Variants in PLS1 observed in about 807,000 individuals in gnomAD.
The protein encoded by PLS1 is plastin-1.
PLS1 carries 32 observed loss-of-function variants against 73.7 expected under a neutral mutation model. The observed-to-expected ratio is 0.43, with a 90% CI of 0.33 to 0.58. The LOEUF is 0.58. PLS1 is among the 20% of genes least tolerant of loss of function. PLS1 has a pLI of 0.04. For missense variants in PLS1, 633 were observed against 740.5 expected (o/e 0.85, Z 1.68); for synonymous variants, 217 against 261.3 (o/e 0.83, Z 1.63).
intron 15 of PLS1, 105 bp from the exon 16 acceptor site, chr3:142,711,767 C>T (rs1038002359): frequency 1.4e-6 from 2 of 1,404,646 alleles, no homozygotes; most frequent in East Asian, 2.3e-5. Context: ...ACAAACTTAA[C>T]CTTTTCGTAA....
intron 4 of PLS1, among the ~76,000 whole-genome samples, chr3:142,671,821 T>G (rs1363210202): frequency 6.6e-6 from 1 of 152,238 alleles, no homozygotes; most frequent in African/African-American, 2.4e-5. Flanking sequence ...TTTTCCCCTC[T>G]TTCTTCATTT....
At chr3:142,670,899 G>T in intron 3 of PLS1, 94 bp from the exon 4 acceptor site, 1 of 783,158 alleles carries the variant, frequency 1.3e-6, no homozygotes, top group Middle Eastern at 3.1e-4. Context: ...ATTTAATTTG[G>T]TGTCATTTCA....
intron 1 of PLS1, among the ~76,000 whole-genome samples, chr3:142,640,782 T>C (rs1178494090): frequency 6.6e-6 from 1 of 152,178 alleles, no homozygotes; most frequent in Admixed American, 6.5e-5. Context: ...GAGGCCAGTT[T>C]GGATTTATTG....
intron 1 of PLS1, among the ~76,000 whole-genome samples, chr3:142,661,047 G>A (rs2037360479): frequency 6.6e-6 from 1 of 152,136 alleles, no homozygotes; most frequent in Admixed American, 6.5e-5. Flanking sequence ...GGGATAGAAA[G>A]CATTTTGAAT....
Position 142,684,072 on chromosome 3 carries a change from T to C in PLS1, c.646T>C (p.Ser216Pro), listed in dbSNP as rs749095663. Reference sequence around the variant, plus strand: ...TTGTACAGTGGTCAACATTGGTGCATCAGATCTCAAAGAAGGAAAACCTCA... The same window carrying C: ...TTGTACAGTGGTCAACATTGGTGCACCAGATCTCAAAGAAGGAAAACCTCA... Reference protein sequence around the residue: ...IGCTVVNIGASDLKEGKPHLV... With the variant: ...IGCTVVNIGAPDLKEGKPHLV... Residue 216 changes from serine (S) to proline (P), a missense_variant, in exon 7 of 16, where the codon TCA becomes CCA. Physicochemically the swap from Ser to Pro is moderately conservative, Grantham distance 74. Transcript: ENST00000457734. 1 of 1,613,854 alleles carries C rather than the reference T, an allele frequency of 6.2e-7. No individual in the cohort carries two copies. Among genetic ancestry groups the C allele is most frequent in the South Asian group, 1.1e-5 (1 of 91,066 alleles).
At chr3:142,675,394 T>C (rs897521179) in intron 4 of PLS1, among the ~76,000 whole-genome samples, 2 of 152,022 alleles carry the variant, frequency 1.3e-5, no homozygotes, top group African/African-American at 4.8e-5. Flanking sequence ...TTTTTTGTTT[T>C]TGTTTTTGAG....
chr3:142,603,414 G>A (rs2035960659), intron 1 of PLS1, among the ~76,000 whole-genome samples: 1 of 152,168 alleles, frequency 6.6e-6, no homozygotes. Context: ...AAGTCCAGTG[G>A]TGAAGGGACT....
chr3:142,686,161 A>T, intron 8 of PLS1, 123 bp from the exon 9 acceptor site: 1 of 642,592 alleles, frequency 1.6e-6, no homozygotes, highest in Non-Finnish European at 2.7e-6. Context: ...GTAATTCTTT[A>T]TTTTTAAAGT....
intron 1 of PLS1, among the ~76,000 whole-genome samples, chr3:142,641,537 A>G (rs2036841008): frequency 6.6e-6 from 1 of 151,772 alleles, no homozygotes. Context: ...TGAAGAATTT[A>G]GACATATTTA....
intron 1 of PLS1, among the ~76,000 whole-genome samples, chr3:142,637,259 T>C (rs1047546261): frequency 1.3e-5 from 2 of 152,200 alleles, no homozygotes; most frequent in African/African-American, 4.8e-5. Context: ...ATATTTATGC[T>C]GACTGAAAGA....
chr3:142,653,523 G>GAATA (rs1307529391), intron 1 of PLS1, among the ~76,000 whole-genome samples: 3 of 151,834 alleles, frequency 2.0e-5, no homozygotes, highest in African/African-American at 7.3e-5. Flanking sequence ...ACCACGGCCG[G>GAATA]CTAATTTTTG....
At chr3:142,699,320 G>C (rs987402660) in intron 12 of PLS1, among the ~76,000 whole-genome samples, 6 of 152,096 alleles carry the variant, frequency 3.9e-5, no homozygotes, top group Non-Finnish European at 7.4e-5. Flanking sequence ...TTAGCCAGGC[G>C]TAGTGGTGGG....
chr3:142,603,018 TC>T, intron 1 of PLS1, among the ~76,000 whole-genome samples: 1 of 152,286 alleles, frequency 6.6e-6, no homozygotes, highest in East Asian at 1.9e-4. Flanking sequence ...TTCATCCAGT[TC>T]CGAATTAACA....
chr3:142,647,794 C>A (rs1248365948), intron 1 of PLS1, among the ~76,000 whole-genome samples: 1 of 152,138 alleles, frequency 6.6e-6, no homozygotes, highest in African/African-American at 2.4e-5. Context: ...TTCTAGAAAG[C>A]CTTCCTTGAA....
intron 1 of PLS1, among the ~76,000 whole-genome samples, chr3:142,645,051 G>A (rs758117755): frequency 7.2e-5 from 11 of 152,206 alleles, no homozygotes; most frequent in Non-Finnish European, 1.5e-4. Context: ...GAATCATTCA[G>A]TGGTGGCATT....
intron 6 of PLS1, among the ~76,000 whole-genome samples, chr3:142,679,039 T>C (rs1452298838): frequency 6.6e-6 from 1 of 151,524 alleles, no homozygotes; most frequent in African/African-American, 2.4e-5. Flanking sequence ...ATGAGCATTT[T>C]TTCATGTGTT....
At chr3:142,621,832 A>G (rs896598230) in intron 1 of PLS1, among the ~76,000 whole-genome samples, 25 of 152,312 alleles carry the variant, frequency 1.6e-4, no homozygotes, top group African/African-American at 5.3e-4. Context: ...ATCAGAGCAA[A>G]TATATGTTTT....
chr3:142,655,099 C>T (rs2037193587), intron 1 of PLS1, among the ~76,000 whole-genome samples: 2 of 151,904 alleles, frequency 1.3e-5, no homozygotes, highest in Non-Finnish European at 2.9e-5. Flanking sequence ...AATAAAATAG[C>T]AAAATAAGAC....
chr3:142,634,718 G>T (rs890055585), intron 1 of PLS1, among the ~76,000 whole-genome samples: 1 of 152,084 alleles, frequency 6.6e-6, no homozygotes, highest in Non-Finnish European at 1.5e-5. Context: ...CAGCAGCCTT[G>T]CCTGACAAAT....
Sources: gnomAD v4.1 joint callset for allele counts (sites outside exome capture counted in the v4.1 genomes callset) on GRCh38, gnomAD v4.1.1 for gene constraint, MANE v1.5 for transcripts, NCBI Gene and HGNC (gene_info 2026-07-23, HGNC 2026-07-21) for gene names.